PCDH7: variants seen among roughly 807,000 people sequenced by gnomAD.
The protein encoded by PCDH7 is protocadherin 7, also known as protocadherin-7.
Under a neutral mutation model 58.9 loss-of-function variants are expected in PCDH7, and 17 were observed. The observed-to-expected ratio is 0.29, with a 90% confidence interval of 0.20 to 0.43. The LOEUF (loss-of-function observed/expected upper bound fraction) is 0.43, where lower values mean the gene tolerates loss of function less well. Ranked by LOEUF, PCDH7 falls within the 20% of genes least tolerant of loss-of-function variation. The probability of loss-of-function intolerance (pLI) is 1.00; values close to 1 mark genes in which losing one functional copy is unlikely to be tolerated. For synonymous variants in PCDH7, 664 were observed against 616.4 expected (o/e 1.08, Z -1.14); for missense variants, 1,274 against 1,441.0 (o/e 0.88, Z 1.88).
At chr4:30,909,859 T>C (rs1424901227) in intron 1 of PCDH7, among the ~76,000 whole-genome samples, 3 of 152,094 alleles carry the variant, frequency 2.0e-5, no homozygotes, top group African/African-American at 7.2e-5. Flanking sequence ...AAAGAGCCCA[T>C]ATAGCCAAGA....
chr4:30,870,568 A>T lies in PCDH7; in HGVS notation c.71-49585A>T, dbSNP rs369098434. On this transcript the variant is annotated intron_variant, in intron 1 of 3. Transcript: ENST00000509759. ...TCAAGACAGGTAAATGTTCCTCCTA[A>T]CCATAGAAGGCTTCTATGGAGCTGC... 3.3e-5 allele frequency among the ~76,000 whole-genome samples: 5 copies of T among 152,084 alleles called. No homozygotes were observed. In the East Asian group the frequency reaches 7.7e-4, roughly 23 times the overall value.
intron 3 of PCDH7, among the ~76,000 whole-genome samples, chr4:31,064,240 TA>T (rs1757909903): frequency 6.6e-6 from 1 of 151,984 alleles, no homozygotes; most frequent in Non-Finnish European, 1.5e-5. Flanking sequence ...ATGTTTAATA[TA>T]AAAAATTTGG....
At chr4:30,834,954 T>C (rs1170746695) in intron 1 of PCDH7, among the ~76,000 whole-genome samples, 1 of 151,638 alleles carries the variant, frequency 6.6e-6, no homozygotes, top group Non-Finnish European at 1.5e-5. Context: ...TATATATTCA[T>C]CAATAAAATT....
At chr4:30,826,511 C>T (rs1350883908) in intron 1 of PCDH7, among the ~76,000 whole-genome samples, 1 of 151,978 alleles carries the variant, frequency 6.6e-6, no homozygotes, top group Non-Finnish European at 1.5e-5. Context: ...GCATGCTCCA[C>T]TTCGGGCAAT....
intron 1 of PCDH7, among the ~76,000 whole-genome samples, chr4:30,824,885 G>A (rs1463770549): frequency 6.6e-6 from 1 of 152,066 alleles, no homozygotes; most frequent in African/African-American, 2.4e-5. Flanking sequence ...TGCAGTAGAT[G>A]GTTTGGGAAG....
intron 3 of PCDH7, among the ~76,000 whole-genome samples, chr4:31,003,783 C>T (rs544440975): frequency 7.9e-5 from 12 of 152,090 alleles, no homozygotes; most frequent in East Asian, 1.9e-4. Flanking sequence ...TGGCGGGCAC[C>T]TGTAGTCCCA....
intron 1 of PCDH7, among the ~76,000 whole-genome samples, chr4:30,766,649 AT>A (rs2109274380): frequency 3.4e-5 from 1 of 29,436 alleles, no homozygotes; most frequent in South Asian, 1.4e-3. Flanking sequence ...AATCTCAAAC[AT>A]ATATATATAT....
intron 2 of PCDH7, among the ~76,000 whole-genome samples, chr4:30,933,734 G>A (rs538454619): frequency 1.8e-4 from 27 of 152,122 alleles, no homozygotes; most frequent in African/African-American, 5.1e-4. Flanking sequence ...TTGTGTAGGT[G>A]GTATCTGACA....
intron 1 of PCDH7, among the ~76,000 whole-genome samples, chr4:30,893,469 A>G (rs924664092): frequency 6.6e-6 from 1 of 152,122 alleles, no homozygotes; most frequent in African/African-American, 2.4e-5. Flanking sequence ...TGCTATAAAG[A>G]TAACAATGTC....
intron 3 of PCDH7, among the ~76,000 whole-genome samples, chr4:31,136,404 C>T (rs1159885163): frequency 1.3e-5 from 2 of 152,184 alleles, no homozygotes; most frequent in Admixed American, 1.3e-4. Flanking sequence ...TCACACTGAG[C>T]AATACTGGGA....
intron 3 of PCDH7, among the ~76,000 whole-genome samples, chr4:31,119,607 G>A (rs138503825): frequency 5.3e-5 from 8 of 152,210 alleles, no homozygotes; most frequent in East Asian, 1.9e-4. Context: ...CCAAGCAGGC[G>A]ACTTGAAGGA....
At chr4:30,842,948 C>T (rs1052585955) in intron 1 of PCDH7, among the ~76,000 whole-genome samples, 8 of 152,072 alleles carry the variant, frequency 5.3e-5, no homozygotes, top group Admixed American at 2.0e-4. Context: ...TCCATCAAGT[C>T]CTGCTTATCA....
chr4:30,893,252 T>G (rs888876610), intron 1 of PCDH7, among the ~76,000 whole-genome samples: 1 of 152,226 alleles, frequency 6.6e-6, no homozygotes, highest in South Asian at 2.1e-4. Context: ...AATAAGATAC[T>G]ATTTTCAGTA....
At chr4:31,030,683 C>A (rs1754830292) in intron 3 of PCDH7, among the ~76,000 whole-genome samples, 1 of 152,136 alleles carries the variant, frequency 6.6e-6, no homozygotes, top group Non-Finnish European at 1.5e-5. Context: ...TAGTAATGAA[C>A]TTTATCTGCA....
At chr4:31,086,338 C>T (rs572208643) in intron 3 of PCDH7, among the ~76,000 whole-genome samples, 2 of 152,230 alleles carry the variant, frequency 1.3e-5, no homozygotes, top group South Asian at 2.1e-4. Flanking sequence ...ACTTTTCAGT[C>T]GATGATGTCC....
At position 30,723,469 on chromosome 4, in the gene PCDH7, A is replaced by T; in HGVS notation, c.2047A>T (p.Asn683Tyr). The T allele has an allele frequency of 1.2e-6, 2 of 1,614,102 alleles. No individual in the cohort carries two copies. Among genetic ancestry groups the T allele is most frequent in the Non-Finnish European group, 1.7e-6 (2 of 1,179,998 alleles). ...GAGCCTGTACATAGAGGAGAACAAT[A>T]ACATTTTTTCTATTGAAAATGACAC... is the stretch of plus-strand genomic sequence containing the variant. Residue 683 changes from asparagine to tyrosine, a missense_variant, in exon 1 of 2, where the codon AAC (asparagine) becomes TAC (tyrosine). Physicochemically the swap from Asn to Tyr is moderately radical, Grantham distance 143. Around this residue, in one of 3 missense-constraint regions of PCDH7, gnomAD observed 731 missense variants for 881.9 expected, o/e 0.83. Coordinates refer to ENST00000361762, the Ensembl canonical transcript of PCDH7. The surrounding 1 kb of genome is among the most constrained non-coding windows in gnomAD (Gnocchi z 4.6).
chr4:30,790,282 G>A (rs1353944987), intron 1 of PCDH7, among the ~76,000 whole-genome samples: 2 of 152,130 alleles, frequency 1.3e-5, no homozygotes, highest in African/African-American at 4.8e-5. Flanking sequence ...ACCTCCTGAA[G>A]AAGATACTAT....
intron 3 of PCDH7, among the ~76,000 whole-genome samples, chr4:30,978,865 G>C (rs1750303085): frequency 6.6e-6 from 1 of 152,082 alleles, no homozygotes; most frequent in Non-Finnish European, 1.5e-5. Flanking sequence ...AATTTTCACT[G>C]ATGTAAAATA....
At chr4:31,022,717 A>G (rs1430260098) in intron 3 of PCDH7, among the ~76,000 whole-genome samples, 3 of 152,062 alleles carry the variant, frequency 2.0e-5, no homozygotes, top group Non-Finnish European at 4.4e-5. Context: ...ATTTGTCTGT[A>G]TTTTGATAAC....
Sources: allele counts gnomAD v4.1 joint callset (sites outside exome capture counted in the v4.1 genomes callset), GRCh38; gene constraint gnomAD v4.1.1; regional missense constraint gnomAD v4.1.1; non-coding constraint Gnocchi (gnomAD v3.1); transcripts MANE v1.5; gene names NCBI Gene and HGNC (gene_info 2026-07-23, HGNC 2026-07-21).